The following ARID1A variants were observed in gnomAD, a reference collection of about 807,000 sequenced individuals.
ARID1A encodes AT-rich interaction domain 1A, also known as AT-rich interactive domain-containing protein 1A.
Under a neutral mutation model 212.6 loss-of-function variants are expected in ARID1A, and 20 were observed. The observed-to-expected ratio is 0.09, with a 90% CI of 0.07 to 0.14. The LOEUF (loss-of-function observed/expected upper bound fraction) is 0.14, where lower values mean the gene tolerates loss of function less well. ARID1A is among the 10% of genes least tolerant of loss of function. The pLI, the probability that ARID1A is intolerant of heterozygous loss-of-function variation, is 1.00. For synonymous variants in ARID1A, 1,376 were observed against 1,222.1 expected, an observed-to-expected ratio of 1.13 and a Z score of -2.63; for missense variants, 2,587 against 3,059.0, an observed-to-expected ratio of 0.85 and a Z score of 3.64.
intron 1 of ARID1A, among the ~76,000 whole-genome samples, chr1:26,712,752 A>G (rs2080466188): frequency 1.3e-5 from 2 of 152,206 alleles, no homozygotes; most frequent in South Asian, 4.1e-4. Flanking sequence ...TCATCTCTGC[A>G]GTGAATGAGG....
chr1:26,769,450 G>A (rs1438770861), intron 11 of ARID1A: 1 of 152,246 alleles, frequency 6.6e-6, no homozygotes, highest in African/African-American at 2.4e-5. Flanking sequence ...GATTAGTAGG[G>A]TTTAGGTGGA....
intron 1 of ARID1A, among the ~76,000 whole-genome samples, chr1:26,720,657 C>T (rs747969817): frequency 2.0e-5 from 3 of 151,968 alleles, no homozygotes; most frequent in Non-Finnish European, 4.4e-5. Flanking sequence ...GCTGGCAGAT[C>T]ACTTGAGCTT....
At chr1:26,755,990 G>T (rs953694332) in intron 4 of ARID1A, among the ~76,000 whole-genome samples, 1 of 151,940 alleles carries the variant, frequency 6.6e-6, no homozygotes, top group Non-Finnish European at 1.5e-5. Flanking sequence ...TGATCCTCCT[G>T]CCTCGGCCTC....
chr1:26,780,875 A>T lies in ARID1A; in HGVS notation c.*119A>T. On this transcript the variant is annotated 3_prime_UTR_variant, in exon 20 of 20. Coordinates refer to ENST00000324856, the MANE Select transcript of ARID1A (RefSeq NM_006015.6). This position sits in a 1 kb window ranked among gnomAD's most constrained non-coding sequence, Gnocchi z 7.2. Reference sequence around the variant, plus strand: ...GAATCCAGTTTACCCTGTGCTGTCCAGCTTCTCCCTTGGGAAAAAGTCTCT... The same window carrying T: ...GAATCCAGTTTACCCTGTGCTGTCCTGCTTCTCCCTTGGGAAAAAGTCTCT... The T allele has an allele frequency of 7.2e-7, 1 of 1,386,090 alleles. No homozygotes were observed. Among genetic ancestry groups the T allele is most frequent in the East Asian group, 2.3e-5 (1 of 42,780 alleles). The allele number at this position is 1,386,090 out of a possible 1,614,324, so 85.9% of individuals were successfully genotyped here.
chr1:26,780,837 C>T lies in ARID1A; in HGVS notation c.*81C>T. On this transcript the variant is annotated 3_prime_UTR_variant, in exon 20 of 20. Coordinates refer to ENST00000324856, the MANE Select transcript of ARID1A (RefSeq NM_006015.6). The surrounding 1 kb of genome is among the most constrained non-coding windows in gnomAD (Gnocchi z 7.2). ...AACTGACTGTTGCCCTTTATTTATG[C>T]AAAACCACCTCAGAATCCAGTTTAC... 1 of 1,484,356 alleles carries T rather than the reference C, an allele frequency of 6.7e-7. No individual in the cohort carries two copies. Among genetic ancestry groups the T allele is most frequent in the African/African-American group, 1.4e-5 (1 of 71,364 alleles). The allele number at this position is 1,484,356 out of a possible 1,614,324, so 91.9% of individuals were successfully genotyped here.
In ARID1A at chr1:26,731,231, A is replaced by T. The variant is rs757458581; in HGVS notation, c.1430A>T (p.His477Leu). The T allele has an allele frequency of 6.2e-7, 1 of 1,613,718 alleles. No individual in the cohort carries two copies. Among genetic ancestry groups the T allele is most frequent in the South Asian group, 1.1e-5 (1 of 91,050 alleles). Residue 477 changes from histidine (H) to leucine (L), a missense_variant, in exon 3 of 20, where the codon CAC becomes CTC. His to Leu is a moderately conservative substitution (Grantham distance 99, BLOSUM62 -3). Transcript: ENST00000324856. The part of the protein sequence containing the change: ...QTPYYNQQSP[H>L]PQQQQPPYSQ... ...CCATATTACAACCAGCAAAGTCCTC[A>T]CCCTCAGCAGCAGCAGCCACCCTAC... is the stretch of plus-strand genomic sequence containing the variant.
chr1:26,733,738 A>C (rs1159053196), intron 4 of ARID1A, among the ~76,000 whole-genome samples: 2 of 152,188 alleles, frequency 1.3e-5, no homozygotes, highest in Non-Finnish European at 2.9e-5. Flanking sequence ...CACCATGACA[A>C]ATCCTGCTTC....
intron 2 of ARID1A, 124 bp downstream of exon 2, chr1:26,729,987 G>GT: frequency 8.3e-7 from 1 of 1,208,878 alleles, no homozygotes; most frequent in African/African-American, 1.5e-5. Flanking sequence ...TGTTGGCTCA[G>GT]TTAATTACAG....
At chr1:26,721,378 A>G (rs1014255349) in intron 1 of ARID1A, among the ~76,000 whole-genome samples, 5 of 152,032 alleles carry the variant, frequency 3.3e-5, no homozygotes, top group Non-Finnish European at 7.4e-5. Context: ...CACCCGGCTA[A>G]TATTTGTATT....
At chr1:26,772,696 T>C (rs1570613746) in intron 13 of ARID1A, 64 bp downstream of exon 13, 2 of 1,612,514 alleles carry the variant, frequency 1.2e-6, no homozygotes, top group African/African-American at 1.3e-5. Flanking sequence ...TGGGAACTCC[T>C]TGCAGCCCAA....
intron 4 of ARID1A, among the ~76,000 whole-genome samples, chr1:26,755,207 G>A (rs949831456): frequency 2.0e-5 from 3 of 152,200 alleles, no homozygotes; most frequent in African/African-American, 7.2e-5. Context: ...GCATATAGTA[G>A]ATGCTTAAAT....
At chr1:26,705,692 G>A (rs2080385318) in intron 1 of ARID1A, among the ~76,000 whole-genome samples, 1 of 152,162 alleles carries the variant, frequency 6.6e-6, no homozygotes, top group Non-Finnish European at 1.5e-5. Context: ...GGTGAATATT[G>A]ACTTAGTAGC....
chr1:26,742,370 C>T (rs755001999), intron 4 of ARID1A, among the ~76,000 whole-genome samples: 8 of 152,232 alleles, frequency 5.3e-5, no homozygotes, highest in South Asian at 4.1e-4. Context: ...AACAGTGAAC[C>T]GTTGACTAGA....
At chr1:26,724,653 G>A (rs1010148668) in intron 1 of ARID1A, among the ~76,000 whole-genome samples, 1 of 152,190 alleles carries the variant, frequency 6.6e-6, no homozygotes, top group Non-Finnish European at 1.5e-5. Context: ...TAAAAGTCTA[G>A]TCTGTTATTT....
At chr1:26,743,363 T>C (rs889881041) in intron 4 of ARID1A, among the ~76,000 whole-genome samples, 1 of 152,158 alleles carries the variant, frequency 6.6e-6, no homozygotes, top group African/African-American at 2.4e-5. Flanking sequence ...CTTATGCTGG[T>C]ACCTCTGCTT....
At position 26,696,962 on chromosome 1, in the gene ARID1A, G is replaced by A. The variant is rs762317595; in HGVS notation, c.559G>A (p.Gly187Ser). 3 of 1,454,514 alleles carry A rather than the reference G, an allele frequency of 2.1e-6. No homozygotes were observed. The highest frequency in any genetic ancestry group is 2.9e-5 in the South Asian group (2 of 68,094). The allele number at this position is 1,454,514 out of a possible 1,614,324, so 90.1% of individuals were successfully genotyped here. The change falls in exon 1 of 20, where the codon GGC becomes AGC. Residue 187 changes from glycine (G) to serine (S), a missense_variant. Coordinates refer to ENST00000324856, the MANE Select transcript of ARID1A (RefSeq NM_006015.6). ...CCCTGGCCTGGCAGCGCTGCAGAGC[G>A]GCGGCGGCGGGGGCCTGGAGCCCTA... Reference protein sequence around the residue: ...QSPGLAALQSGGGGGLEPYAG... With the variant: ...QSPGLAALQSSGGGGLEPYAG...
intron 4 of ARID1A, among the ~76,000 whole-genome samples, chr1:26,735,200 A>G (rs1054093561): frequency 8.8e-5 from 13 of 147,876 alleles, no homozygotes; most frequent in African/African-American, 3.3e-4. Flanking sequence ...ATCTTGGTTC[A>G]CTGCAGCCTC....
At chr1:26,698,719 G>C (rs1045136393) in intron 1 of ARID1A, among the ~76,000 whole-genome samples, 2 of 152,214 alleles carry the variant, frequency 1.3e-5, no homozygotes, top group Admixed American at 1.3e-4. Flanking sequence ...TGATGGCTCT[G>C]AAGATGCATT....
chr1:26,696,185 G>A lies in ARID1A; in HGVS notation c.-219G>A. ...CAGCTGAGCCGCCGGCGCCTCGGCCGCCGCCGCCGCCTCCTCCTCCTCCGC... is the reference window on the plus strand; with the variant it reads ...CAGCTGAGCCGCCGGCGCCTCGGCCACCGCCGCCGCCTCCTCCTCCTCCGC... On this transcript the variant is annotated 5_prime_UTR_variant, in exon 1 of 20. Transcript: ENST00000324856. 3 of 644,324 alleles carry A rather than the reference G, an allele frequency of 4.7e-6. No individual in the cohort carries two copies. The highest frequency in any genetic ancestry group is 4.2e-6 in the Non-Finnish European group (2 of 478,902). The allele number at this position is 644,324 out of a possible 1,614,324, so 39.9% of individuals were successfully genotyped here. A position where few individuals can be genotyped will look rare whatever the true frequency, so the allele number is the denominator to read the frequency against.
Sources: allele counts gnomAD v4.1 joint callset (sites outside exome capture counted in the v4.1 genomes callset), GRCh38; gene constraint gnomAD v4.1.1; non-coding constraint Gnocchi (gnomAD v3.1); transcripts MANE v1.5; gene names NCBI Gene and HGNC (gene_info 2026-07-23, HGNC 2026-07-21).